The following CUX1 variants were observed in gnomAD, a reference collection of about 807,000 sequenced individuals.
The protein encoded by CUX1 is protein CASP.
CUX1 carries 31 observed loss-of-function variants against 158.8 expected under a neutral mutation model. That is an observed-to-expected ratio of 0.20 (90% confidence interval 0.15 to 0.26). The LOEUF (loss-of-function observed/expected upper bound fraction) is 0.26, where lower values mean the gene tolerates loss of function less well. CUX1 is among the 10% of genes least tolerant of loss of function. CUX1 has a pLI of 1.00. For synonymous variants in CUX1, 879 were observed against 862.1 expected, an observed-to-expected ratio of 1.02 and a Z score of -0.34; for missense variants, 1,589 against 2,014.6, an observed-to-expected ratio of 0.79 and a Z score of 4.04.
chr7:101,886,350 T>C (rs1800226918), intron 1 of CUX1, among the ~76,000 whole-genome samples: 1 of 152,136 alleles, frequency 6.6e-6, no homozygotes, highest in Non-Finnish European at 1.5e-5. Context: ...TGCGCCGCCA[T>C]GCCCAACTAA....
At chr7:101,956,933 A>G (rs955856934) in intron 2 of CUX1, among the ~76,000 whole-genome samples, 13 of 152,366 alleles carry the variant, frequency 8.5e-5, no homozygotes, top group Admixed American at 6.5e-4. Context: ...TAGGTGACAC[A>G]GTGAGACCCT....
intron 3 of CUX1, among the ~76,000 whole-genome samples, chr7:102,046,800 T>G (rs1822874501): frequency 6.6e-6 from 1 of 151,846 alleles, no homozygotes; most frequent in Non-Finnish European, 1.5e-5. Context: ...AAGACGGTCT[T>G]GAACTCCTGG....
intron 1 of CUX1, among the ~76,000 whole-genome samples, chr7:101,842,872 A>ATTTTTTTTTTT (rs375610847): frequency 9.5e-6 from 1 of 105,770 alleles, no homozygotes; most frequent in Non-Finnish European, 1.9e-5. Flanking sequence ...AAATTATTCT[A>ATTTTTTTTTTT]TTTTTTTTTT....
chr7:102,049,323 T>C (rs1305502876), intron 3 of CUX1, among the ~76,000 whole-genome samples: 2 of 152,206 alleles, frequency 1.3e-5, no homozygotes, highest in East Asian at 1.9e-4. Flanking sequence ...TGCCATTTCA[T>C]CTGCACAGCA....
chr7:101,966,426 C>G (rs760572624), intron 2 of CUX1, among the ~76,000 whole-genome samples: 1 of 151,706 alleles, frequency 6.6e-6, no homozygotes, highest in South Asian at 2.1e-4. Context: ...CAAGCCTGGC[C>G]GAGAGTTGAT....
At chr7:102,245,800 C>G (rs907927264) in intron 23 of CUX1, among the ~76,000 whole-genome samples, 3 of 151,874 alleles carry the variant, frequency 2.0e-5, no homozygotes, top group Non-Finnish European at 4.4e-5. Context: ...GGTGAAACCC[C>G]GTCTCTATTA....
intron 8 of CUX1, among the ~76,000 whole-genome samples, chr7:102,141,026 TTA>T (rs1585873512): frequency 6.6e-6 from 1 of 152,314 alleles, no homozygotes; most frequent in East Asian, 1.9e-4. Flanking sequence ...GAGGGCGTTC[TTA>T]AAGATTCATG....
At chr7:102,046,312 C>CA (rs1328339138) in intron 3 of CUX1, among the ~76,000 whole-genome samples, 2 of 151,380 alleles carry the variant, frequency 1.3e-5, no homozygotes, top group Non-Finnish European at 2.9e-5. Context: ...AGCTCACTGC[C>CA]ACCTCCGCCT....
At chr7:102,086,832 T>C (rs1827999462) in intron 4 of CUX1, among the ~76,000 whole-genome samples, 1 of 152,198 alleles carries the variant, frequency 6.6e-6, no homozygotes, top group African/African-American at 2.4e-5. Flanking sequence ...GGGGCAAATA[T>C]ACCTTTAAGA....
Position 102,249,920 on chromosome 7 carries a change from A to C in CUX1, c.*878A>C, listed in dbSNP as rs1332137042. On this transcript the variant is annotated 3_prime_UTR_variant, in exon 24 of 24. Transcript: ENST00000292535. ...ACTCTGATTTTGTGGTAGCTGACAT[A>C]GTGTTTTCTTGTACGTGAATAGAAT... is the stretch of plus-strand genomic sequence containing the variant. The C allele has an allele frequency of 2.0e-6, 2 of 985,712 alleles. No individual in the cohort carries two copies. The highest frequency in any genetic ancestry group is 3.5e-5 in the African/African-American group (2 of 57,232). The allele number at this position is 985,712 out of a possible 1,614,324, so 61.1% of individuals were successfully genotyped here. A position where few individuals can be genotyped will look rare whatever the true frequency, so the allele number is the denominator to read the frequency against.
intron 21 of CUX1, among the ~76,000 whole-genome samples, chr7:102,229,708 C>T (rs1798764476): frequency 6.9e-6 from 1 of 144,958 alleles, no homozygotes; most frequent in Non-Finnish European, 1.5e-5. Flanking sequence ...ATCACTGCCT[C>T]CTGGGTTCAG....
At position 102,279,950 on chromosome 7, in the gene CUX1, G is replaced by T. The variant is rs566497865; in HGVS notation, c.1681-87G>T. On this transcript the variant is annotated intron_variant, in intron 18 of 22. Coordinates refer to the CUX1 transcript ENST00000292538. ...TCCCCCACTTCCCTTTTTTGCAGAT[G>T]AGGAAACTGAGGCTCCCCTGGGCTC... is the stretch of plus-strand genomic sequence containing the variant. 7.2e-6 allele frequency: 6 copies of T among 828,914 alleles called. No homozygotes were observed. The South Asian group carries it at 8.5e-5, about 12-fold the overall frequency. The allele number at this position is 828,914 out of a possible 1,614,324, so 51.3% of individuals were successfully genotyped here. A position where few individuals can be genotyped will look rare whatever the true frequency, so the allele number is the denominator to read the frequency against.
chr7:101,921,898 G>A (rs1400788106), intron 2 of CUX1, among the ~76,000 whole-genome samples: 8 of 152,158 alleles, frequency 5.3e-5, no homozygotes, highest in African/African-American at 1.4e-4. Context: ...TGGGAGGATC[G>A]CTTCAGACCA....
intron 2 of CUX1, among the ~76,000 whole-genome samples, chr7:102,007,924 T>C (rs1677524555): frequency 6.6e-6 from 1 of 152,008 alleles, no homozygotes. Context: ...TTTGTATTTT[T>C]AGTAGAGGCA....
At chr7:102,164,417 G>A (rs1183567452) in intron 9 of CUX1, among the ~76,000 whole-genome samples, 1 of 152,256 alleles carries the variant, frequency 6.6e-6, no homozygotes, top group Non-Finnish European at 1.5e-5. Flanking sequence ...CGCACAGGCT[G>A]GAGCGCAGTG....
chr7:101,816,103 C>T (rs765178986), upstream of CUX1: 6 of 1,359,132 alleles, frequency 4.4e-6, no homozygotes, highest in South Asian at 3.8e-5. Flanking sequence ...GGTCAGGCTC[C>T]TCCGCGCTCG....
At chr7:102,019,984 A>T (rs1000262628) in intron 2 of CUX1, among the ~76,000 whole-genome samples, 1 of 152,150 alleles carries the variant, frequency 6.6e-6, no homozygotes, top group African/African-American at 2.4e-5. Context: ...AAAATCAGCC[A>T]TTGTAGAAAA....
In CUX1 at chr7:102,196,747, A is replaced by G. The variant is rs1794842638; in HGVS notation, c.1336A>G (p.Asn446Asp). The G allele has an allele frequency of 6.2e-7, 1 of 1,613,984 alleles. No individual in the cohort carries two copies. The highest frequency in any genetic ancestry group is 8.5e-7 in the Non-Finnish European group (1 of 1,179,996). The change falls in exon 15 of 24, where the codon AAT becomes GAT. Residue 446 changes from asparagine to aspartate, a missense_variant. By Grantham distance (23) the Asn-to-Asp change is conservative (BLOSUM62 1). This residue lies in a region of CUX1 where 515 missense variants were observed against 574.4 expected (regional missense o/e 0.90). Transcript: ENST00000292535. ...CCCGGGGGAGCAGGCTTCCAATACTAATGGTACACACCAGTTCTCACCAGC... is the reference window on the plus strand; with the variant it reads ...CCCGGGGGAGCAGGCTTCCAATACTGATGGTACACACCAGTTCTCACCAGC... ...RNPGEQASNT[N>D]GTHQFSPAGL...
intron 2 of CUX1, among the ~76,000 whole-genome samples, chr7:101,920,281 C>T (rs188577555): frequency 1.3e-5 from 2 of 152,184 alleles, no homozygotes; most frequent in East Asian, 3.9e-4. Flanking sequence ...GCCACCACAC[C>T]CAGCTAATTT....
Sources: gnomAD v4.1 joint callset for allele counts (sites outside exome capture counted in the v4.1 genomes callset) on GRCh38, gnomAD v4.1.1 for gene constraint, gnomAD v4.1.1 regional missense constraint, MANE v1.5 for transcripts, NCBI Gene and HGNC (gene_info 2026-07-23, HGNC 2026-07-21) for gene names.